SGCZ: variants seen among roughly 807,000 people sequenced by gnomAD.
SGCZ encodes zeta-sarcoglycan.
SGCZ carries 40 observed loss-of-function variants against 41.3 expected under a neutral mutation model. That is an observed-to-expected ratio of 0.97 (90% confidence interval 0.75 to 1.26). The LOEUF is 1.26. SGCZ is among the 50% of genes most tolerant of loss of function. The pLI is 0.00. For synonymous variants in SGCZ, 206 were observed against 137.5 expected (o/e 1.50, Z -3.49); for missense variants, 552 against 369.8 (o/e 1.49, Z -4.04).
At position 15,237,524 on chromosome 8, in the gene SGCZ, G is replaced by C. The variant is rs1041480136; in HGVS notation, c.39+61C>G. On this transcript the variant is annotated intron_variant, in intron 1 of 7. Transcript: ENST00000382080. Reference sequence around the variant, plus strand: ...GCGCCGCTGGAGGAGCCGCGGGAAGGAGAGGGGAGAGCAGGGAGCGCCGAG... The same window carrying C: ...GCGCCGCTGGAGGAGCCGCGGGAAGCAGAGGGGAGAGCAGGGAGCGCCGAG... The C allele has an allele frequency of 1.1e-5, 17 of 1,550,094 alleles. No individual in the cohort carries two copies. The African/African-American group carries it at 1.8e-4, about 16-fold the overall frequency.
intron 4 of SGCZ, among the ~76,000 whole-genome samples, chr8:14,231,123 G>C (rs949188557): frequency 1.4e-5 from 2 of 144,200 alleles, no homozygotes; most frequent in African/African-American, 2.6e-5. Context: ...CTCTGACTTT[G>C]CTTCCTAGTA....
chr8:14,175,601 A>G (rs1804519225), intron 4 of SGCZ, among the ~76,000 whole-genome samples: 2 of 152,106 alleles, frequency 1.3e-5, no homozygotes, highest in South Asian at 4.1e-4. Flanking sequence ...TACTAAAATA[A>G]TAGAAGAATC....
At chr8:14,341,628 A>T (rs967287971) in intron 2 of SGCZ, among the ~76,000 whole-genome samples, 2 of 152,062 alleles carry the variant, frequency 1.3e-5, no homozygotes, top group African/African-American at 4.8e-5. Flanking sequence ...CCCAAATCTC[A>T]ACTTGAATTG....
chr8:14,932,042 T>C (rs959095769), intron 1 of SGCZ, among the ~76,000 whole-genome samples: 1 of 151,980 alleles, frequency 6.6e-6, no homozygotes, highest in Admixed American at 6.5e-5. Flanking sequence ...GTCCATTTTT[T>C]CAGTATTTAT....
chr8:14,462,454 C>A (rs985682962), intron 2 of SGCZ, among the ~76,000 whole-genome samples: 9 of 151,942 alleles, frequency 5.9e-5, no homozygotes, highest in Non-Finnish European at 1.2e-4. Flanking sequence ...CTCTATAAGT[C>A]TTTTCATCTT....
At chr8:14,428,373 G>C (rs904985786) in intron 2 of SGCZ, among the ~76,000 whole-genome samples, 3 of 151,974 alleles carry the variant, frequency 2.0e-5, no homozygotes, top group Admixed American at 6.6e-5. Context: ...GATGCAAGGA[G>C]TTTGACTTAC....
At chr8:14,213,485 C>A (rs1805886363) in intron 4 of SGCZ, among the ~76,000 whole-genome samples, 1 of 151,986 alleles carries the variant, frequency 6.6e-6, no homozygotes, top group Admixed American at 6.6e-5. Context: ...AAAATAAACA[C>A]CTTCTTATAC....
intron 3 of SGCZ, among the ~76,000 whole-genome samples, chr8:14,307,159 A>C (rs1358675763): frequency 3.3e-5 from 5 of 152,176 alleles, no homozygotes; most frequent in African/African-American, 1.2e-4. Flanking sequence ...AAAGTAATGA[A>C]TATCAGACAC....
intron 1 of SGCZ, among the ~76,000 whole-genome samples, chr8:14,837,122 G>T (rs1199383105): frequency 6.6e-6 from 1 of 152,136 alleles, no homozygotes; most frequent in Non-Finnish European, 1.5e-5. Context: ...AATGCAGCAG[G>T]CAATAAAACA....
At chr8:15,068,740 A>T (rs577581228) in intron 1 of SGCZ, among the ~76,000 whole-genome samples, 1 of 152,224 alleles carries the variant, frequency 6.6e-6, no homozygotes, top group Non-Finnish European at 1.5e-5. Context: ...TCAAAGATAC[A>T]TTAAGACCAT....
At chr8:14,739,462 T>C (rs1279579616) in intron 1 of SGCZ, among the ~76,000 whole-genome samples, 1 of 152,070 alleles carries the variant, frequency 6.6e-6, no homozygotes, top group Non-Finnish European at 1.5e-5. Context: ...TTAAGATTAG[T>C]TATCCAGATT....
At chr8:14,664,399 G>A (rs566190650) in intron 1 of SGCZ, among the ~76,000 whole-genome samples, 1 of 152,152 alleles carries the variant, frequency 6.6e-6, no homozygotes, top group Admixed American at 6.6e-5. Context: ...CTTGTGCTTA[G>A]AAGTGTGTCT....
At chr8:14,833,613 C>T (rs989182883) in intron 1 of SGCZ, among the ~76,000 whole-genome samples, 1 of 152,138 alleles carries the variant, frequency 6.6e-6, no homozygotes, top group African/African-American at 2.4e-5. Flanking sequence ...TGATTCTCAG[C>T]TAATCTGAAT....
chr8:14,691,191 A>T (rs1225260739), intron 1 of SGCZ, among the ~76,000 whole-genome samples: 1 of 152,222 alleles, frequency 6.6e-6, no homozygotes, highest in Non-Finnish European at 1.5e-5. Context: ...AGATGAATCA[A>T]CAATACTTCG....
intron 1 of SGCZ, among the ~76,000 whole-genome samples, chr8:14,624,433 G>T (rs1355270919): frequency 1.3e-5 from 2 of 151,468 alleles, no homozygotes; most frequent in Non-Finnish European, 2.9e-5. Context: ...GCTGAATAAA[G>T]ATTATTAATA....
intron 1 of SGCZ, among the ~76,000 whole-genome samples, chr8:14,971,930 G>A (rs1000487664): frequency 1.3e-5 from 2 of 152,082 alleles, no homozygotes; most frequent in South Asian, 2.1e-4. Context: ...ACTTTTGCAT[G>A]CTATTTGCAA....
At chr8:14,459,852 C>A (rs1461285491) in intron 2 of SGCZ, among the ~76,000 whole-genome samples, 1 of 152,118 alleles carries the variant, frequency 6.6e-6, no homozygotes, top group Non-Finnish European at 1.5e-5. Flanking sequence ...CAGAGAACCC[C>A]AAATTGAGAG....
chr8:14,445,159 G>A (rs190264939), intron 2 of SGCZ, among the ~76,000 whole-genome samples: 17 of 152,298 alleles, frequency 1.1e-4, no homozygotes, highest in Admixed American at 6.5e-4. Flanking sequence ...TTGTGAGAGT[G>A]GCAGGAGGTA....
intron 1 of SGCZ, among the ~76,000 whole-genome samples, chr8:15,005,449 A>G (rs1315719257): frequency 6.7e-6 from 1 of 148,884 alleles, no homozygotes; most frequent in African/African-American, 2.5e-5. Context: ...CTCCTGCCTC[A>G]GCCTCCCGAG....
Sources: allele counts gnomAD v4.1 joint callset (sites outside exome capture counted in the v4.1 genomes callset), GRCh38; gene constraint gnomAD v4.1.1; transcripts MANE v1.5; gene names NCBI Gene and HGNC (gene_info 2026-07-23, HGNC 2026-07-21).